The following GNG7 variants were observed in gnomAD, a reference collection of about 807,000 sequenced individuals.
GNG7 encodes the protein G protein subunit gamma 7.
A neutral mutation model predicts 4.0 loss-of-function variants in GNG7; 1 was observed. The ratio of observed to expected loss-of-function variants is 0.25; its 90% CI spans 0.09 to 1.18. The LOEUF is 1.18. GNG7 is among the 50% of genes most tolerant of loss of function. The pLI, the probability that GNG7 is intolerant of heterozygous loss-of-function variation, is 0.50. For synonymous variants in GNG7, 34 were observed against 36.9 expected, an observed-to-expected ratio of 0.92 and a Z score of 0.29; for missense variants, 86 against 91.9, an observed-to-expected ratio of 0.94 and a Z score of 0.26.
chr19:2,544,513 T>C (rs1214357806), intron 3 of GNG7, among the ~76,000 whole-genome samples: 3 of 152,042 alleles, frequency 2.0e-5, no homozygotes, highest in Non-Finnish European at 4.4e-5. Flanking sequence ...GCCTCCTGAG[T>C]AGCTGGGGTT....
At chr19:2,549,636 G>A (rs750649725) in intron 3 of GNG7, among the ~76,000 whole-genome samples, 1 of 152,090 alleles carries the variant, frequency 6.6e-6, no homozygotes, top group South Asian at 2.1e-4. Flanking sequence ...GGCATTGTAA[G>A]GCTAAGCATG....
rs1175308785 is a variant in GNG7, at chr19:2,621,869, G to T, written c.-78+24355C>A. ...CTCCTGTAGCGCCCAGGGGAGCACA[G>T]CTCTGCAGACAGCTTGGTTTAGTAC... On this transcript the variant is annotated intron_variant, in intron 2 of 4. Transcript: ENST00000382159. 3.3e-5 allele frequency among the ~76,000 whole-genome samples: 5 copies of T among 152,126 alleles called. No homozygotes were observed. The South Asian group carries it at 1.0e-3, about 32-fold the overall frequency.
intron 3 of GNG7, among the ~76,000 whole-genome samples, chr19:2,551,489 G>T (rs1303005976): frequency 9.7e-6 from 1 of 102,748 alleles, no homozygotes; most frequent in Non-Finnish European, 1.9e-5. Flanking sequence ...TGCCGTGCTG[G>T]TAAATTATAT....
Position 2,617,901 on chromosome 19 carries a change from G to A in GNG7, c.-78+28323C>T, listed in dbSNP as rs1308015286. ...GCCCGGCTAATTTTTTAAATGTTTTGTAGAGATACGGTCCTGCTATGTTGC... is the reference window on the plus strand; with the variant it reads ...GCCCGGCTAATTTTTTAAATGTTTTATAGAGATACGGTCCTGCTATGTTGC... On this transcript the variant is annotated intron_variant, in intron 2 of 4. Coordinates refer to ENST00000382159, the MANE Select transcript of GNG7 (RefSeq NM_052847.3). The surrounding 1 kb of genome is among the most constrained non-coding windows in gnomAD (Gnocchi z 4.7). Among the ~76,000 whole-genome samples, 1 of 151,660 alleles carries A rather than the reference G, an allele frequency of 6.6e-6. No homozygotes were observed. The highest frequency in any genetic ancestry group is 2.4e-5 in the African/African-American group (1 of 41,258).
At chr19:2,568,076 T>C (rs1979977572) in intron 2 of GNG7, among the ~76,000 whole-genome samples, 2 of 149,138 alleles carry the variant, frequency 1.3e-5, no homozygotes, top group Admixed American at 1.4e-4. Flanking sequence ...CATACACACA[T>C]ATACACATGC....
chr19:2,615,353 G>A (rs1568263600), intron 2 of GNG7, among the ~76,000 whole-genome samples: 1 of 151,804 alleles, frequency 6.6e-6, no homozygotes, highest in Non-Finnish European at 1.5e-5. Flanking sequence ...TCCTGCAGGG[G>A]TCGGCAAGGA....
chr19:2,532,929 C>A (rs1387596174), intron 3 of GNG7, among the ~76,000 whole-genome samples: 1 of 152,112 alleles, frequency 6.6e-6, no homozygotes, highest in African/African-American at 2.4e-5. Flanking sequence ...TATGACCCAG[C>A]AATTCCACTC....
At chr19:2,613,228 C>T (rs547914898) in intron 2 of GNG7, among the ~76,000 whole-genome samples, 8 of 152,300 alleles carry the variant, frequency 5.3e-5, no homozygotes, top group South Asian at 2.1e-4. Flanking sequence ...TTAGCACCTA[C>T]GTTGAATTAG....
rs955463075 is a variant in GNG7 at position 2,574,888 on chromosome 19, C to T, written c.-77-19700G>A. Reference sequence around the variant, plus strand: ...TCTTGTCCGAAACCGCACTTGTTATCAGAGCCTCAGCGTCCTGCCTGTTAA... The same window carrying T: ...TCTTGTCCGAAACCGCACTTGTTATTAGAGCCTCAGCGTCCTGCCTGTTAA... On this transcript the variant is annotated intron_variant, in intron 2 of 4. Coordinates refer to ENST00000382159, the MANE Select transcript of GNG7 (RefSeq NM_052847.3). Among the ~76,000 whole-genome samples the T allele has an allele frequency of 2.6e-5, 4 of 152,272 alleles. No individual in the cohort carries two copies. The South Asian group carries it at 6.2e-4, about 24-fold the overall frequency.
rs144302555 is a variant in GNG7 at position 2,628,751 on chromosome 19, C to T, written c.-78+17473G>A. On this transcript the variant is annotated intron_variant, in intron 2 of 4. Transcript: ENST00000382159. ...TCTGAATTTGACACCTCGGGATGTG[C>T]TTCTGGTCTCTTTTATGGGCTCACC... Among the ~76,000 whole-genome samples the T allele has an allele frequency of 8.7e-4, 133 of 152,204 alleles. 1 individual carries two copies. In the East Asian group the frequency reaches 0.023, roughly 27 times the overall value.
intron 1 of GNG7, among the ~76,000 whole-genome samples, chr19:2,651,513 C>CTCTTTCCT (rs1344699183): frequency 6.9e-6 from 1 of 145,754 alleles, no homozygotes; most frequent in Non-Finnish European, 1.5e-5. Context: ...CTTTGTCTCT[C>CTCTTTCCT]TCTTTCCTTC....
rs576716669 is a variant in GNG7, at chr19:2,702,244, C to T, written c.-135+402G>A. 2.0e-5 allele frequency among the ~76,000 whole-genome samples: 3 copies of T among 150,614 alleles called. No individual in the cohort carries two copies. In the East Asian group the frequency reaches 5.9e-4, roughly 30 times the overall value. On this transcript the variant is annotated intron_variant, in intron 1 of 4. Transcript: ENST00000382159. ...CCCCTCCCCAGCTAACCTGGACCTG[C>T]AACTCCAGCCTCCTCCCCAGCTGGC...
At chr19:2,625,970 T>A (rs1182128358) in intron 2 of GNG7, among the ~76,000 whole-genome samples, 2 of 151,848 alleles carry the variant, frequency 1.3e-5, no homozygotes, top group African/African-American at 4.8e-5. Flanking sequence ...GTATTTTTAG[T>A]AGAGATGGGG....
At chr19:2,541,113 G>A (rs1978948011) in intron 3 of GNG7, among the ~76,000 whole-genome samples, 1 of 152,238 alleles carries the variant, frequency 6.6e-6, no homozygotes, top group Non-Finnish European at 1.5e-5. Flanking sequence ...AGGCGAGGGA[G>A]CGGGAGCTAC....
intron 1 of GNG7, among the ~76,000 whole-genome samples, chr19:2,648,014 C>A (rs1467544608): frequency 9.9e-6 from 1 of 100,774 alleles, no homozygotes. Context: ...GGTGACAGAA[C>A]GAGACCCTGT....
intron 2 of GNG7, among the ~76,000 whole-genome samples, chr19:2,582,025 C>T (rs561055279): frequency 3.2e-4 from 49 of 152,268 alleles, no homozygotes; most frequent in African/African-American, 1.2e-3. Context: ...AATGGAAATA[C>T]TTTGCCAAAG....
At chr19:2,674,860 A>G (rs1983556495) in intron 1 of GNG7, among the ~76,000 whole-genome samples, 1 of 151,896 alleles carries the variant, frequency 6.6e-6, no homozygotes, top group South Asian at 2.1e-4. Flanking sequence ...GACAGCGCCG[A>G]CTCCATCGGG....
chr19:2,571,278 A>G (rs1427527915), intron 2 of GNG7, among the ~76,000 whole-genome samples: 1 of 152,146 alleles, frequency 6.6e-6, no homozygotes, highest in Non-Finnish European at 1.5e-5. Context: ...TTGGAAGAAA[A>G]TGTGGCGGCA....
chr19:2,512,823 C>T lies in GNG7; in HGVS notation c.*2199G>A. On this transcript the variant is annotated 3_prime_UTR_variant, in exon 5 of 5. Transcript: ENST00000382159. This position sits in a 1 kb window ranked among gnomAD's most constrained non-coding sequence, Gnocchi z 4.7. ...GTTGGAAAGGGTGGAGGCAGGCGGGCTCTCCCTGCCTGGGGTCCTCCCAGG... is the reference window on the plus strand; with the variant it reads ...GTTGGAAAGGGTGGAGGCAGGCGGGTTCTCCCTGCCTGGGGTCCTCCCAGG... 5 of 829,104 alleles carry T rather than the reference C, an allele frequency of 6.0e-6. No homozygotes were observed. Among genetic ancestry groups the T allele is most frequent in the Non-Finnish European group, 7.3e-6 (5 of 686,826 alleles). The allele number at this position is 829,104 out of a possible 1,614,324, so 51.4% of individuals were successfully genotyped here. A position where few individuals can be genotyped will look rare whatever the true frequency, so the allele number is the denominator to read the frequency against.
Sources: allele counts gnomAD v4.1 joint callset (sites outside exome capture counted in the v4.1 genomes callset), GRCh38; gene constraint gnomAD v4.1.1; non-coding constraint Gnocchi (gnomAD v3.1); transcripts MANE v1.5; gene names NCBI Gene and HGNC (gene_info 2026-07-23, HGNC 2026-07-21).